SKA3: variants seen among roughly 807,000 people sequenced by gnomAD.
SKA3 encodes spindle and kinetochore-associated protein 3.
A neutral mutation model predicts 44.2 loss-of-function variants in SKA3; 39 were observed. That is an observed-to-expected ratio of 0.88 (90% CI 0.68 to 1.15). The LOEUF (loss-of-function observed/expected upper bound fraction) is 1.15. Ranked by LOEUF, SKA3 falls within the 50% of genes most tolerant of loss-of-function variation. The pLI is 0.00. For synonymous variants in SKA3, 192 were observed against 172.0 expected, an observed-to-expected ratio of 1.12 and a Z score of -0.91; for missense variants, 511 against 485.8, an observed-to-expected ratio of 1.05 and a Z score of -0.49.
In SKA3 at chr13:21,154,754, G is replaced by A; in HGVS notation, c.*396C>T. The A allele has an allele frequency of 3.3e-6, 1 of 302,010 alleles. No homozygotes were observed. The highest frequency in any genetic ancestry group is 6.0e-5 in the East Asian group (1 of 16,734). The allele number at this position is 302,010 out of a possible 1,614,324, so 18.7% of individuals were successfully genotyped here. A position where few individuals can be genotyped will look rare whatever the true frequency, so the allele number is the denominator to read the frequency against. ...GGGACGGTCCTGAAAGGAGATGATG[G>A]GAAGGCAGAGCTGGCTGGCAGCAAT... On this transcript the variant is annotated 3_prime_UTR_variant, in exon 9 of 9. Transcript: ENST00000314759.
At position 21,172,432 on chromosome 13, in the gene SKA3, T is replaced by C. The variant is rs760861887; in HGVS notation, c.238A>G (p.Lys80Glu). The change falls in exon 3 of 9, where the codon AAA becomes GAA. Residue 80 changes from lysine (K) to glutamate (E), a missense_variant. Physicochemically the swap from Lys to Glu is moderately conservative, Grantham distance 56. Transcript: ENST00000314759. ...ATTGAATTTTTTTCCATTAGTACTT[T>C]TGTTGCCTTTATGAAATCAATGCCT... Reference protein sequence around the residue: ...QEGIDFIKATKVLMEKNSMDI... With the variant: ...QEGIDFIKATEVLMEKNSMDI... The C allele has an allele frequency of 1.9e-6, 3 of 1,594,222 alleles. No individual in the cohort carries two copies. Among genetic ancestry groups the C allele is most frequent in the East Asian group, 4.5e-5 (2 of 44,668 alleles).
At chr13:21,176,216 G>A in intron 1 of SKA3, 159 bp downstream of exon 1, 1 of 586,680 alleles carries the variant, frequency 1.7e-6, no homozygotes, top group Non-Finnish European at 2.9e-6. Flanking sequence ...AACGCCAAAC[G>A]CCGAGCAGTG....
At chr13:21,171,206 T>C (rs1464044823) in intron 3 of SKA3, among the ~76,000 whole-genome samples, 1 of 152,184 alleles carries the variant, frequency 6.6e-6, no homozygotes, top group African/African-American at 2.4e-5. Flanking sequence ...TGAGCCACTG[T>C]GCCCGTCTCA....
intron 4 of SKA3, among the ~76,000 whole-genome samples, chr13:21,166,982 C>T (rs1461674075): frequency 6.6e-6 from 1 of 152,078 alleles, no homozygotes; most frequent in Non-Finnish European, 1.5e-5. Context: ...TATCTATAGA[C>T]ATTGCTTGGC....
At chr13:21,166,026 T>TC (rs1317702371) in intron 4 of SKA3, among the ~76,000 whole-genome samples, 4 of 145,456 alleles carry the variant, frequency 2.7e-5, no homozygotes, top group South Asian at 2.2e-4. Flanking sequence ...ATCTGATAAC[T>TC]TTTTTTTTTT....
chr13:21,170,493 CTTGT>C (rs943442126), intron 3 of SKA3, among the ~76,000 whole-genome samples: 16 of 152,048 alleles, frequency 1.1e-4, no homozygotes, highest in African/African-American at 3.6e-4. Flanking sequence ...TATATACTTT[CTTGT>C]TTGTTTGTTT....
At position 21,154,836 on chromosome 13, in the gene SKA3, T is replaced by C; in HGVS notation, c.*314A>G. 2.0e-6 allele frequency: 1 copy of C among 488,834 alleles called. No homozygotes were observed. Among genetic ancestry groups the C allele is most frequent in the Non-Finnish European group, 3.7e-6 (1 of 272,624 alleles). 30.3% of individuals were successfully genotyped at this position (488,834 alleles called of 1,614,324 possible). On this transcript the variant is annotated 3_prime_UTR_variant, in exon 9 of 9. Transcript: ENST00000314759. ...CATCTGAGTAGCAAACACCTTTATA[T>C]TTTTGAAATTACTTGTCCTACTTCC...
chr13:21,176,053 G>C (rs1284364365), intron 1 of SKA3, among the ~76,000 whole-genome samples: 2 of 152,166 alleles, frequency 1.3e-5, no homozygotes, highest in Non-Finnish European at 2.9e-5. Flanking sequence ...TGTTAATTTA[G>C]GTTCTTATTC....
At chr13:21,164,111 T>C (rs1870583413) in intron 4 of SKA3, among the ~76,000 whole-genome samples, 1 of 152,062 alleles carries the variant, frequency 6.6e-6, no homozygotes. Context: ...AATTGGGATG[T>C]CTGTCTTTCA....
chr13:21,176,334 C>G (rs1272582203), intron 1 of SKA3, 41 bp downstream of exon 1: 2 of 1,277,406 alleles, frequency 1.6e-6, no homozygotes, highest in Admixed American at 2.6e-5. Flanking sequence ...CCGCCCGCGG[C>G]GCACCCCACG....
At chr13:21,176,338 C>G in intron 1 of SKA3, 37 bp downstream of exon 1, 1 of 1,521,922 alleles carries the variant, frequency 6.6e-7, no homozygotes, top group Non-Finnish European at 8.9e-7. Flanking sequence ...CCGCGGCGCA[C>G]CCCACGCACC....
intron 6 of SKA3, among the ~76,000 whole-genome samples, chr13:21,158,977 A>G (rs1432999233): frequency 6.6e-6 from 1 of 152,240 alleles, no homozygotes; most frequent in East Asian, 1.9e-4. Flanking sequence ...ACAGGCAGAT[A>G]ACCTGATACT....
rs1322607132 is a variant in SKA3 at position 21,168,268 on chromosome 13, T to C, written c.463A>G (p.Ser155Gly). 6.2e-7 allele frequency: 1 copy of C among 1,614,198 alleles called. No homozygotes were observed. Among genetic ancestry groups the C allele is most frequent in the Non-Finnish European group, 8.5e-7 (1 of 1,180,038 alleles). Reference sequence around the variant, plus strand: ...AGTCCAAAATCTGAAAGTTGTGGACTACGTGGAGACTTCTCAGAAATACAA... The same window carrying C: ...AGTCCAAAATCTGAAAGTTGTGGACCACGTGGAGACTTCTCAGAAATACAA... ...SSCISEKSPR[S>G]PQLSDFGLER... Residue 155 changes from serine (S) to glycine (G), a missense_variant, in exon 4 of 9, where the codon AGT becomes GGT. Ser to Gly is a moderately conservative substitution (Grantham distance 56). Transcript: ENST00000314759.
chr13:21,168,003 G>C lies in SKA3; in HGVS notation c.728C>G (p.Ala243Gly). 1 of 1,577,870 alleles carries C rather than the reference G, an allele frequency of 6.3e-7. No homozygotes were observed. The highest frequency in any genetic ancestry group is 1.8e-5 in the Admixed American group (1 of 54,060). The change falls in exon 4 of 9, where the codon GCG becomes GGG. Residue 243 changes from alanine to glycine, a missense_variant. Physicochemically the swap from Ala to Gly is moderately conservative, Grantham distance 60 (BLOSUM62 0). Transcript: ENST00000314759. Reference protein sequence around the residue: ...NEDYTMGLKNARNNKSEEAID... With the variant: ...NEDYTMGLKNGRNNKSEEAID... ...AGCTGCTTACCTTTTATTATTCCTCGCATTTTTAAGTCCCATTGTGTAATC... is the reference window on the plus strand; with the variant it reads ...AGCTGCTTACCTTTTATTATTCCTCCCATTTTTAAGTCCCATTGTGTAATC...
intron 7 of SKA3, 33 bp downstream of exon 7, chr13:21,157,889 C>CAAAAAAAA (rs10700757): frequency 7.4e-6 from 9 of 1,215,454 alleles, no homozygotes; most frequent in African/African-American, 1.6e-5. Context: ...AGAATATCAG[C>CAAAAAAAA]AAAAAAAAAA....
chr13:21,171,499 C>A (rs897591718), intron 3 of SKA3, among the ~76,000 whole-genome samples: 4 of 151,766 alleles, frequency 2.6e-5, no homozygotes, highest in Admixed American at 2.6e-4. Flanking sequence ...ATGGCTTGAA[C>A]CCGGGAGGTA....
intron 1 of SKA3, among the ~76,000 whole-genome samples, chr13:21,173,423 G>C (rs1258148184): frequency 6.6e-6 from 1 of 152,064 alleles, no homozygotes; most frequent in African/African-American, 2.4e-5. Context: ...CATCTGGCTA[G>C]TTTTATATTT....
At chr13:21,161,749 G>C (rs758559592) in intron 5 of SKA3, 41 bp downstream of exon 5, 1 of 1,120,114 alleles carries the variant, frequency 8.9e-7, no homozygotes, top group Non-Finnish European at 1.2e-6. Context: ...AGATAGTTTG[G>C]GAAAAATGTT....
Position 21,154,620 on chromosome 13 carries a change from T to TGA in SKA3, c.*529_*530insTC, listed in dbSNP as rs1869997139. 6.0e-6 allele frequency: 1 copy of TGA among 165,590 alleles called. No individual in the cohort carries two copies. The highest frequency in any genetic ancestry group is 1.5e-4 in the South Asian group (1 of 6,684). The allele number at this position is 165,590 out of a possible 1,614,324, so 10.3% of individuals were successfully genotyped here. ...TACCTCCAATGGTCACAGTATATAG[T>TGA]TACCCAGGCCTGGAAATCTCCCTCT... On this transcript the variant is annotated 3_prime_UTR_variant, in exon 9 of 9. Coordinates refer to ENST00000314759, the MANE Select transcript of SKA3 (RefSeq NM_145061.6).
Sources: gnomAD v4.1 joint callset for allele counts (sites outside exome capture counted in the v4.1 genomes callset) on GRCh38, gnomAD v4.1.1 for gene constraint, MANE v1.5 for transcripts, NCBI Gene and HGNC (gene_info 2026-07-23, HGNC 2026-07-21) for gene names.